Variants in ABI3BP observed in about 807,000 individuals in gnomAD.
ABI3BP encodes the protein target of Nesh-SH3.
ABI3BP carries 216 observed loss-of-function variants against 268.6 expected under a neutral mutation model. That is an observed-to-expected ratio of 0.80 (90% CI 0.72 to 0.90). The LOEUF (loss-of-function observed/expected upper bound fraction) is 0.90. Among genes scored for constraint, ABI3BP ranks in the 40% least tolerant of loss-of-function variants. The pLI is 0.00. For synonymous variants in ABI3BP, 730 were observed against 730.0 expected (o/e 1.00, Z 0.00); for missense variants, 2,090 against 2,182.4 (o/e 0.96, Z 0.84).
intron 36 of ABI3BP, among the ~76,000 whole-genome samples, chr3:100,824,443 G>T (rs73135559): frequency 6.6e-6 from 1 of 152,100 alleles, no homozygotes; most frequent in South Asian, 2.1e-4. Flanking sequence ...TCAACTCCAC[G>T]CTTTCTGCAG....
intron 38 of ABI3BP, 52 bp from the exon 39 acceptor site, chr3:100,821,165 C>T: frequency 6.8e-7 from 1 of 1,468,444 alleles, no homozygotes; most frequent in Non-Finnish European, 9.2e-7. Context: ...TGAATGTAAA[C>T]TCAAAACTTT....
chr3:100,813,533 G>A (rs2097916436), intron 45 of ABI3BP, 128 bp downstream of exon 45: 1 of 632,492 alleles, frequency 1.6e-6, no homozygotes, highest in Admixed American at 2.9e-5. Context: ...AAAGAGCATT[G>A]TGCAATATTT....
At chr3:100,963,291 A>C (rs181546244) in intron 1 of ABI3BP, among the ~76,000 whole-genome samples, 102 of 152,212 alleles carry the variant, frequency 6.7e-4, no homozygotes, top group Middle Eastern at 3.4e-3. Context: ...CAATGACTAC[A>C]TTTTTTCAAT....
At chr3:100,868,204 A>T (rs72926262) in intron 9 of ABI3BP, among the ~76,000 whole-genome samples, 1,727 of 152,252 alleles carry the variant, frequency 0.011, 41 homozygotes, top group African/African-American at 0.04. Flanking sequence ...CTTTGGCACT[A>T]TTGATATTTG....
At position 100,756,828 on chromosome 3, in the gene ABI3BP, GAA is replaced by G. The variant is rs1312352321; in HGVS notation, c.4851-2139_4851-2138del. Among the ~76,000 whole-genome samples the G allele has an allele frequency of 4.7e-5, 6 of 128,240 alleles. No individual in the cohort carries two copies. The Admixed American group carries it at 5.2e-4, about 11-fold the overall frequency. The allele number at this position is 128,240 out of a possible 152,430, so 84.1% of individuals were successfully genotyped here. On this transcript the variant is annotated intron_variant, in intron 63 of 67. Coordinates refer to ENST00000471714, the MANE Select transcript of ABI3BP (RefSeq NM_001375547.2). ...TTTGTGATATTTGACAAGTTTCAAA[GAA>G]ATTATTTTGCACTAAATTTAATTAA...
chr3:100,851,831 G>T, intron 15 of ABI3BP, 44 bp downstream of exon 15: 2 of 1,480,438 alleles, frequency 1.4e-6, no homozygotes, highest in South Asian at 1.3e-5. Context: ...ACCAAGTGTT[G>T]GAACACCTGG....
rs1559784864 is a variant in ABI3BP at position 100,752,747 on chromosome 3, TAAGTTAAGGGCTGAAAACAGA to T, written c.5122+19_5122+39del. On this transcript the variant is annotated intron_variant, in intron 66 of 67. Transcript: ENST00000471714. Reference sequence around the variant, plus strand: ...TGTACAATGCTGCAAAACATTCCCATAAGTTAAGGGCTGAAAACAGAGCTGGTAGCTCTGCTTACCTGTGAG... The same window carrying T: ...TGTACAATGCTGCAAAACATTCCCATGCTGGTAGCTCTGCTTACCTGTGAG... 1 of 1,597,468 alleles carries T rather than the reference TAAGTTAAGGGCTGAAAACAGA, an allele frequency of 6.3e-7. No individual in the cohort carries two copies. Among genetic ancestry groups the T allele is most frequent in the Non-Finnish European group, 8.5e-7 (1 of 1,173,784 alleles).
At chr3:100,949,601 G>A (rs954665963) in intron 1 of ABI3BP, among the ~76,000 whole-genome samples, 6 of 152,124 alleles carry the variant, frequency 3.9e-5, no homozygotes. Flanking sequence ...TTTGGTATTC[G>A]TTTTTGGGAT....
At chr3:100,850,614 T>A (rs1337540896) in intron 16 of ABI3BP, 46 bp downstream of exon 16, 2 of 1,440,506 alleles carry the variant, frequency 1.4e-6, no homozygotes, top group Admixed American at 1.8e-5. Flanking sequence ...CATGATTTTT[T>A]TTTTTGATGG....
intron 9 of ABI3BP, among the ~76,000 whole-genome samples, chr3:100,867,525 C>T (rs1410491232): frequency 2.7e-5 from 4 of 150,552 alleles, no homozygotes; most frequent in Non-Finnish European, 5.9e-5. Flanking sequence ...CCTGTAGTCC[C>T]AGCTACTCTG....
rs745780515 is a variant in ABI3BP, at chr3:100,864,828, A to ATTACCCAG, written c.1060_1063+4dup. 2 of 1,593,242 alleles carry ATTACCCAG rather than the reference A, an allele frequency of 1.3e-6. No individual in the cohort carries two copies. Among genetic ancestry groups the ATTACCCAG allele is most frequent in the Admixed American group, 3.5e-5 (2 of 56,954 alleles). On this transcript the variant is annotated splice_donor_region_variant and intron_variant, in intron 11 of 67. Coordinates refer to ENST00000471714, the MANE Select transcript of ABI3BP (RefSeq NM_001375547.2). ...TTTAGAAAAAAAAAAAGTTCTTAGA[A>ATTACCCAG]TTACCCAGTGTTGTTTCTGAAACAT...
rs552801437 is a variant in ABI3BP at position 100,840,650 on chromosome 3, G to A, written c.1804+170C>T. ...GGCAACTTTTAAAAAATGAGATACA[G>A]TTTATAAACTATACCTATAGGAATT... On this transcript the variant is annotated intron_variant, in intron 22 of 67. Coordinates refer to ENST00000471714, the MANE Select transcript of ABI3BP (RefSeq NM_001375547.2). 2.0e-5 allele frequency among the ~76,000 whole-genome samples: 3 copies of A among 152,120 alleles called. No individual in the cohort carries two copies. In the South Asian group the frequency reaches 6.2e-4, roughly 32 times the overall value.
rs60261694 is a variant in ABI3BP, at chr3:100,841,194, CTTTTTTTTTTTTT to C, written c.1766-349_1766-337del. Among the ~76,000 whole-genome samples, 13 of 39,632 alleles carry C rather than the reference CTTTTTTTTTTTTT, an allele frequency of 3.3e-4. No individual in the cohort carries two copies. The South Asian group carries it at 5.1e-3, about 15-fold the overall frequency. 26.0% of individuals were successfully genotyped at this position (39,632 alleles called of 152,430 possible). ...AATTGGCTAAGATGGCATTAGAACA[CTTTTTTTTTTTTT>C]TTTTTTTTTTTTTTTTTTTTGCTCT... is the stretch of plus-strand genomic sequence containing the variant. On this transcript the variant is annotated intron_variant, in intron 21 of 67. Transcript: ENST00000471714.
intron 51 of ABI3BP, among the ~76,000 whole-genome samples, chr3:100,797,886 A>T (rs17283782): frequency 0.13 from 20,496 of 152,150 alleles, 1,798 homozygotes; most frequent in South Asian, 0.27. Context: ...AAAGCCCACC[A>T]CAATAGTGAA....
chr3:100,936,208 G>A (rs1475548192), intron 1 of ABI3BP, among the ~76,000 whole-genome samples: 1 of 152,116 alleles, frequency 6.6e-6, no homozygotes, highest in East Asian at 1.9e-4. Context: ...TTTGTTGAAG[G>A]CCTTTTCTGC....
intron 63 of ABI3BP, among the ~76,000 whole-genome samples, chr3:100,755,872 T>G (rs960452584): frequency 6.6e-6 from 1 of 152,194 alleles, no homozygotes; most frequent in African/African-American, 2.4e-5. Flanking sequence ...TTGAGAAGTT[T>G]ATAATTAAAT....
At chr3:100,991,712 A>AC (rs1189238758) in intron 1 of ABI3BP, among the ~76,000 whole-genome samples, 1 of 152,238 alleles carries the variant, frequency 6.6e-6, no homozygotes, top group Non-Finnish European at 1.5e-5. Context: ...TTTCCAAATT[A>AC]CCAAAACTAC....
At position 100,815,450 on chromosome 3, in the gene ABI3BP, G is replaced by A. The variant is rs1372155571; in HGVS notation, c.3289+462C>T. On this transcript the variant is annotated intron_variant, in intron 44 of 67. Coordinates refer to ENST00000471714, the MANE Select transcript of ABI3BP (RefSeq NM_001375547.2). ...GGTCAAGCTTATCAATGATTGAGGAGCCTGGAACTTTCAGGGAAATCTATT... is the reference window on the plus strand; with the variant it reads ...GGTCAAGCTTATCAATGATTGAGGAACCTGGAACTTTCAGGGAAATCTATT... 2.6e-5 allele frequency among the ~76,000 whole-genome samples: 4 copies of A among 152,078 alleles called. No individual in the cohort carries two copies. The South Asian group carries it at 8.3e-4, about 31-fold the overall frequency.
In ABI3BP at chr3:100,946,760, C is replaced by T. The variant is rs141920911; in HGVS notation, c.80-20279G>A. 4.3e-3 allele frequency among the ~76,000 whole-genome samples: 646 copies of T among 151,182 alleles called. 4 individuals are homozygous for T. Among genetic ancestry groups the T allele is most frequent in the African/African-American group, 0.015 (599 of 41,108 alleles). ...CCCAGATCGTGCCATTGCACTCCAG[C>T]CTGGGCAACAAGAGTGAAACTCCGT... On this transcript the variant is annotated intron_variant, in intron 1 of 67. Coordinates refer to ENST00000471714, the MANE Select transcript of ABI3BP (RefSeq NM_001375547.2).
Sources: allele counts gnomAD v4.1 joint callset (sites outside exome capture counted in the v4.1 genomes callset), GRCh38; gene constraint gnomAD v4.1.1; transcripts MANE v1.5; gene names NCBI Gene and HGNC (gene_info 2026-07-23, HGNC 2026-07-21).